Variants in GRHL2 observed in about 807,000 individuals in gnomAD.
GRHL2 encodes the protein grainyhead-like protein 2 homolog.
In GRHL2, 21 loss-of-function variants were observed where a neutral mutation model predicts 83.8. That is an observed-to-expected ratio of 0.25 (90% CI 0.18 to 0.36). The LOEUF (loss-of-function observed/expected upper bound fraction) is 0.36. Ranked by LOEUF, GRHL2 falls within the 10% of genes least tolerant of loss-of-function variation. The pLI, the probability that GRHL2 is intolerant of heterozygous loss-of-function variation, is 1.00. For missense variants in GRHL2, 623 were observed against 781.8 expected (o/e 0.80, Z 2.42); for synonymous variants, 280 against 278.9 (o/e 1.00, Z -0.04).
At chr8:101,612,520 G>GATAGATACATAC (rs371662487) in intron 8 of GRHL2, among the ~76,000 whole-genome samples, 15,295 of 123,188 alleles carry the variant, frequency 0.12, 1,185 homozygotes, top group Non-Finnish European at 0.16. Context: ...TAGATAGATA[G>GATAGATACATAC]ATACATACAT....
chr8:101,572,684 T>C (rs1202344891), intron 5 of GRHL2, among the ~76,000 whole-genome samples: 1 of 152,080 alleles, frequency 6.6e-6, no homozygotes, highest in Admixed American at 6.5e-5. Context: ...CAGAAATAAA[T>C]ATTTCTGAAT....
intron 12 of GRHL2, among the ~76,000 whole-genome samples, chr8:101,637,684 A>G (rs942057935): frequency 6.6e-6 from 1 of 152,188 alleles, no homozygotes; most frequent in African/African-American, 2.4e-5. Context: ...CATTTTCTAC[A>G]TGAAAATTCC....
intron 7 of GRHL2, among the ~76,000 whole-genome samples, chr8:101,579,618 C>A (rs147215858): frequency 6.6e-6 from 1 of 152,188 alleles, no homozygotes; most frequent in African/African-American, 2.4e-5. Flanking sequence ...CTCAACCTGA[C>A]ATCTGCTCAC....
intron 7 of GRHL2, among the ~76,000 whole-genome samples, chr8:101,580,894 G>A (rs573406480): frequency 1.3e-4 from 20 of 151,866 alleles, no homozygotes; most frequent in African/African-American, 4.1e-4. Context: ...TAGTAGAGAC[G>A]GGGTTTCACT....
chr8:101,631,591 C>T (rs770430201), intron 9 of GRHL2, 46 bp from the exon 10 acceptor site: 6 of 1,474,154 alleles, frequency 4.1e-6, no homozygotes, highest in Non-Finnish European at 5.7e-6. Flanking sequence ...TTTGCATGCT[C>T]TGCTAATATG....
intron 1 of GRHL2, among the ~76,000 whole-genome samples, chr8:101,515,176 GCACA>G (rs4002325): frequency 0.33 from 48,341 of 144,358 alleles, 9,386 homozygotes; most frequent in Non-Finnish European, 0.43. Flanking sequence ...CTGTCTCTCT[GCACA>G]CACACACACA....
At chr8:101,533,373 AC>A (rs1162268643) in intron 1 of GRHL2, among the ~76,000 whole-genome samples, 2 of 152,190 alleles carry the variant, frequency 1.3e-5, no homozygotes, top group African/African-American at 2.4e-5. Flanking sequence ...TTAAGCCATA[AC>A]TTTTACTTCA....
At chr8:101,511,360 A>G (rs544401121) in intron 1 of GRHL2, among the ~76,000 whole-genome samples, 1 of 152,280 alleles carries the variant, frequency 6.6e-6, no homozygotes, top group South Asian at 2.1e-4. Context: ...TCCAATCAAT[A>G]ATGGTCAAAT....
chr8:101,584,761 C>T (rs540870222), intron 7 of GRHL2, among the ~76,000 whole-genome samples: 24 of 151,910 alleles, frequency 1.6e-4, no homozygotes, highest in Middle Eastern at 3.4e-3. Context: ...GAAGAGGTGA[C>T]GTCCACATGT....
At chr8:101,541,429 A>G (rs927212182) in intron 1 of GRHL2, among the ~76,000 whole-genome samples, 16 of 151,940 alleles carry the variant, frequency 1.1e-4, no homozygotes, top group Non-Finnish European at 1.9e-4. Flanking sequence ...ACTAATATAC[A>G]TTCCTATCAA....
At chr8:101,681,188 A>T in the GRHL2 span, among the ~76,000 whole-genome samples, 1 of 136,630 alleles carries the variant, frequency 7.3e-6, no homozygotes, top group African/African-American at 2.9e-5. Flanking sequence ...AGCAAGACTA[A>T]TAAAGAAGAA....
intron 1 of GRHL2, among the ~76,000 whole-genome samples, chr8:101,513,406 T>C (rs1002486572): frequency 1.3e-5 from 2 of 152,012 alleles, no homozygotes; most frequent in African/African-American, 2.4e-5. Context: ...ACTCAGTAAA[T>C]GTTCTCATTG....
intron 1 of GRHL2, among the ~76,000 whole-genome samples, chr8:101,513,999 C>T (rs1350178408): frequency 2.6e-5 from 4 of 152,088 alleles, no homozygotes; most frequent in East Asian, 1.9e-4. Context: ...CACACTAAGG[C>T]GAAGTTTCAG....
chr8:101,577,377 AAAGT>A (rs1224478442), intron 6 of GRHL2, 27 bp from the exon 7 acceptor site: 1 of 1,453,286 alleles, frequency 6.9e-7, no homozygotes. Flanking sequence ...CACTGAACAA[AAAGT>A]AAGCTCCACG....
chr8:101,559,383 A>G (rs1811560359), intron 4 of GRHL2, among the ~76,000 whole-genome samples: 2 of 146,032 alleles, frequency 1.4e-5, no homozygotes, highest in Admixed American at 7.0e-5. Flanking sequence ...AAAAAAAATT[A>G]GCCAGGCCTG....
At chr8:101,572,613 G>C (rs1811849417) in intron 5 of GRHL2, among the ~76,000 whole-genome samples, 1 of 152,114 alleles carries the variant, frequency 6.6e-6, no homozygotes, top group Non-Finnish European at 1.5e-5. Context: ...AGTTTCTGAT[G>C]ATCTAGAAAA....
intron 8 of GRHL2, 124 bp from the exon 9 acceptor site, chr8:101,619,415 C>G (rs1812918359): frequency 1.3e-6 from 1 of 765,328 alleles, no homozygotes; most frequent in Non-Finnish European, 2.3e-6. Flanking sequence ...AAAAGAATAT[C>G]AAAATATTCT....
intron 7 of GRHL2, among the ~76,000 whole-genome samples, chr8:101,584,543 G>A (rs905900880): frequency 1.3e-5 from 2 of 152,114 alleles, no homozygotes; most frequent in Non-Finnish European, 2.9e-5. Context: ...CTGGAGTCAT[G>A]CTCCACTTTC....
chr8:101,674,235 CA>C (rs1374435793), downstream of GRHL2, among the ~76,000 whole-genome samples: 1 of 151,900 alleles, frequency 6.6e-6, no homozygotes, highest in South Asian at 2.1e-4. Context: ...AATAGAGACA[CA>C]AAAAACCCTT....
Sources: gnomAD v4.1 joint callset for allele counts (sites outside exome capture counted in the v4.1 genomes callset) on GRCh38, gnomAD v4.1.1 for gene constraint, MANE v1.5 for transcripts, NCBI Gene and HGNC (gene_info 2026-07-23, HGNC 2026-07-21) for gene names.